DPP10: variants seen among roughly 807,000 people sequenced by gnomAD.
DPP10 encodes the protein inactive dipeptidyl peptidase 10.
A neutral mutation model predicts 120.9 loss-of-function variants in DPP10; 33 were observed. The observed-to-expected ratio is 0.27, with a 90% CI of 0.21 to 0.37. The LOEUF (loss-of-function observed/expected upper bound fraction) is 0.37. Among genes scored for constraint, DPP10 ranks in the 10% least tolerant of loss-of-function variants. The pLI is 1.00. For synonymous variants in DPP10, 337 were observed against 326.1 expected, an observed-to-expected ratio of 1.03 and a Z score of -0.36; for missense variants, 816 against 942.8, an observed-to-expected ratio of 0.87 and a Z score of 1.76.
chr2:115,776,186 T>C (rs1270446193), intron 13 of DPP10, among the ~76,000 whole-genome samples: 2 of 152,042 alleles, frequency 1.3e-5, no homozygotes, highest in African/African-American at 4.8e-5. Flanking sequence ...AGCTCTGGGG[T>C]ACATGTGCAG....
intron 3 of DPP10, among the ~76,000 whole-genome samples, chr2:115,480,750 CATA>C (rs2075379343): frequency 3.3e-5 from 5 of 152,012 alleles, no homozygotes; most frequent in Admixed American, 3.3e-4. Context: ...GAAGCAGAAA[CATA>C]ATGTTCAGTA....
At position 115,766,900 on chromosome 2, in the gene DPP10, G is replaced by A. The variant is rs539158588; in HGVS notation, c.1114-1397G>A. 2.6e-5 allele frequency among the ~76,000 whole-genome samples: 4 copies of A among 152,222 alleles called. No homozygotes were observed. The South Asian group carries it at 6.2e-4, about 24-fold the overall frequency. ...CCCAGCGGTTACTGCTAAACCATTC[G>A]TGAAGGACTCACCCCCGTGATCCAG... On this transcript the variant is annotated intron_variant, in intron 12 of 25. Coordinates refer to ENST00000410059, the MANE Select transcript of DPP10 (RefSeq NM_020868.6).
chr2:115,776,638 A>T (rs996970231), intron 13 of DPP10, among the ~76,000 whole-genome samples: 1 of 152,244 alleles, frequency 6.6e-6, no homozygotes, highest in Admixed American at 6.6e-5. Flanking sequence ...GTCAAACAAT[A>T]TATATTTTTT....
At chr2:114,877,063 A>T (rs1301944411) in intron 1 of DPP10, among the ~76,000 whole-genome samples, 1 of 152,120 alleles carries the variant, frequency 6.6e-6, no homozygotes, top group African/African-American at 2.4e-5. Context: ...CTTTAAATGC[A>T]AATATATGAC....
At chr2:115,252,013 C>G (rs1241491491) in intron 1 of DPP10, among the ~76,000 whole-genome samples, 1 of 152,176 alleles carries the variant, frequency 6.6e-6, no homozygotes, top group Non-Finnish European at 1.5e-5. Context: ...AGTTTCATGC[C>G]TATCAGTTTT....
intron 1 of DPP10, among the ~76,000 whole-genome samples, chr2:115,297,844 C>T (rs992584120): frequency 1.3e-5 from 2 of 151,994 alleles, no homozygotes; most frequent in African/African-American, 4.8e-5. Flanking sequence ...GTTAGTAATC[C>T]GTAGAGGCTT....
chr2:115,283,237 A>T (rs182821352), intron 1 of DPP10, among the ~76,000 whole-genome samples: 219 of 152,160 alleles, frequency 1.4e-3, no homozygotes, highest in African/African-American at 5.1e-3. Context: ...TAATATTTTT[A>T]GAAGTATATA....
rs1490444615 is a variant in DPP10 at position 115,727,136 on chromosome 2, T to A, written c.577-680T>A. Among the ~76,000 whole-genome samples, 4 of 152,132 alleles carry A rather than the reference T, an allele frequency of 2.6e-5. No individual in the cohort carries two copies. In the East Asian group the frequency reaches 5.8e-4, roughly 22 times the overall value. The stretch of plus-strand genomic sequence containing the variant: ...TAGTTTGCACCATTGTTCCTGTTGT[T>A]GGGGCTATTGTTGATATTATTTTGG... On this transcript the variant is annotated intron_variant, in intron 7 of 25. Coordinates refer to ENST00000410059, the MANE Select transcript of DPP10 (RefSeq NM_020868.6).
At chr2:115,277,702 C>T (rs184390037) in intron 1 of DPP10, among the ~76,000 whole-genome samples, 28 of 151,584 alleles carry the variant, frequency 1.8e-4, no homozygotes, top group African/African-American at 5.8e-4. Context: ...GAAAATATTG[C>T]GTAAGTAGAG....
At chr2:114,732,294 G>A (rs1676997261) in intron 1 of DPP10, among the ~76,000 whole-genome samples, 1 of 152,190 alleles carries the variant, frequency 6.6e-6, no homozygotes, top group African/African-American at 2.4e-5. Context: ...TAGTCATATG[G>A]AGCATGCAAA....
At chr2:115,734,261 A>G (rs1346626603) in intron 8 of DPP10, among the ~76,000 whole-genome samples, 1 of 152,322 alleles carries the variant, frequency 6.6e-6, no homozygotes, top group East Asian at 1.9e-4. Context: ...AGTACTGGAC[A>G]CACATATTTC....
At chr2:115,685,275 G>T (rs1027753713) in intron 5 of DPP10, among the ~76,000 whole-genome samples, 5 of 151,888 alleles carry the variant, frequency 3.3e-5, no homozygotes, top group Non-Finnish European at 5.9e-5. Context: ...TGACACACTA[G>T]CTGTATTTTT....
At chr2:115,538,633 G>A (rs2079006686) in intron 5 of DPP10, among the ~76,000 whole-genome samples, 1 of 151,974 alleles carries the variant, frequency 6.6e-6, no homozygotes, top group African/African-American at 2.4e-5. Flanking sequence ...CCAAAATGTA[G>A]CGTGAAGGAT....
intron 1 of DPP10, among the ~76,000 whole-genome samples, chr2:114,963,766 T>G (rs1261120650): frequency 6.6e-6 from 1 of 152,012 alleles, no homozygotes; most frequent in Non-Finnish European, 1.5e-5. Flanking sequence ...ACACAGAGGG[T>G]CGTGTCGCAA....
At chr2:115,675,973 CTGAAGCACA>C (rs2090220073) in intron 5 of DPP10, among the ~76,000 whole-genome samples, 2 of 152,300 alleles carry the variant, frequency 1.3e-5, no homozygotes, top group South Asian at 4.1e-4. Flanking sequence ...GACTGTTGTA[CTGAAGCACA>C]TGCAGGACCC....
chr2:115,600,040 G>A (rs1011087659), intron 5 of DPP10, among the ~76,000 whole-genome samples: 4 of 151,832 alleles, frequency 2.6e-5, no homozygotes, highest in East Asian at 3.9e-4. Flanking sequence ...ACCCCAGAGC[G>A]CCGTCACCTG....
rs2074745738 is a variant in DPP10 at position 115,471,839 on chromosome 2, TG to T, written c.272-27667del. Among the ~76,000 whole-genome samples, 6 of 152,002 alleles carry T rather than the reference TG, an allele frequency of 3.9e-5. No individual in the cohort carries two copies. The South Asian group carries it at 1.2e-3, about 32-fold the overall frequency. ...CTCACGCTGTTGCCCAGACTGGTCT[TG>T]GGGTCCTGGGCTCGAGTGATCAACT... is the stretch of plus-strand genomic sequence containing the variant. On this transcript the variant is annotated intron_variant, in intron 3 of 25. Coordinates refer to ENST00000410059, the MANE Select transcript of DPP10 (RefSeq NM_020868.6).
At chr2:114,529,875 T>C (rs1685817111) in intron 1 of DPP10, among the ~76,000 whole-genome samples, 1 of 152,110 alleles carries the variant, frequency 6.6e-6, no homozygotes, top group Admixed American at 6.6e-5. Context: ...TGTTGTGTGT[T>C]GTTCTCCTCT....
chr2:114,806,879 C>A (rs1164745269), intron 1 of DPP10, among the ~76,000 whole-genome samples: 1 of 152,068 alleles, frequency 6.6e-6, no homozygotes, highest in East Asian at 1.9e-4. Context: ...CAGGAAATCC[C>A]ATTCTCTCTT....
Sources: gnomAD v4.1 joint callset for allele counts (sites outside exome capture counted in the v4.1 genomes callset) on GRCh38, gnomAD v4.1.1 for gene constraint, MANE v1.5 for transcripts, NCBI Gene and HGNC (gene_info 2026-07-23, HGNC 2026-07-21) for gene names.